The following HIVEP1 variants were observed in gnomAD, a reference collection of about 807,000 sequenced individuals.
HIVEP1 encodes zinc finger protein 40.
In HIVEP1, 36 loss-of-function variants were observed where a neutral mutation model predicts 180.0. The observed-to-expected ratio is 0.20, with a 90% CI of 0.15 to 0.26. The LOEUF (loss-of-function observed/expected upper bound fraction) is 0.26, where lower values mean the gene tolerates loss of function less well. Among genes scored for constraint, HIVEP1 ranks in the 10% least tolerant of loss-of-function variants. The probability of loss-of-function intolerance (pLI) is 1.00; values close to 1 mark genes in which losing one functional copy is unlikely to be tolerated. For missense variants in HIVEP1, 3,143 were observed against 3,268.7 expected, an observed-to-expected ratio of 0.96 and a Z score of 0.94; for synonymous variants, 1,239 against 1,239.0, an observed-to-expected ratio of 1.00 and a Z score of 0.00.
chr6:12,090,352 A>T (rs1773388533), intron 3 of HIVEP1, among the ~76,000 whole-genome samples: 1 of 152,144 alleles, frequency 6.6e-6, no homozygotes, highest in Non-Finnish European at 1.5e-5. Context: ...TTTACAAAAA[A>T]TAGCTTTTAA....
intron 2 of HIVEP1, 74 bp from the exon 3 acceptor site, chr6:12,089,107 AAGT>A (rs1773292042): frequency 1.9e-5 from 14 of 752,366 alleles, no homozygotes; most frequent in Non-Finnish European, 2.7e-5. Context: ...CACTGTTTAA[AAGT>A]AGTATGTTTG....
chr6:12,140,610 C>A (rs933672349), intron 7 of HIVEP1, among the ~76,000 whole-genome samples: 1 of 152,158 alleles, frequency 6.6e-6, no homozygotes, highest in Non-Finnish European at 1.5e-5. Context: ...TGCAAGGAAG[C>A]TAAAAACCTT....
At chr6:12,016,630 T>C (rs562167607) in intron 2 of HIVEP1, among the ~76,000 whole-genome samples, 34 of 152,382 alleles carry the variant, frequency 2.2e-4, no homozygotes, top group African/African-American at 8.2e-4. Context: ...GCTTGTTTCC[T>C]GTCTAGAAAT....
At chr6:12,067,584 G>A (rs1459187354) in intron 2 of HIVEP1, among the ~76,000 whole-genome samples, 2 of 152,136 alleles carry the variant, frequency 1.3e-5, no homozygotes, top group African/African-American at 2.4e-5. Context: ...GCGTAGAATG[G>A]TTTGGATTTA....
the HIVEP1 span, among the ~76,000 whole-genome samples, chr6:12,195,011 G>T: frequency 4.6e-5 from 7 of 152,286 alleles, no homozygotes; most frequent in African/African-American, 1.4e-4. Flanking sequence ...CCTCTATAAA[G>T]AGGAATGATC....
intron 7 of HIVEP1, among the ~76,000 whole-genome samples, chr6:12,154,058 G>A (rs1165132135): frequency 1.3e-5 from 2 of 152,216 alleles, no homozygotes; most frequent in Non-Finnish European, 2.9e-5. Flanking sequence ...TGAGGCAAGA[G>A]AATCAGTTGA....
chr6:12,145,862 A>C (rs926244438), intron 7 of HIVEP1, among the ~76,000 whole-genome samples: 1 of 152,186 alleles, frequency 6.6e-6, no homozygotes, highest in Non-Finnish European at 1.5e-5. Context: ...CCTGGCAAAT[A>C]GTAGGTAATA....
intron 2 of HIVEP1, among the ~76,000 whole-genome samples, chr6:12,035,262 G>A (rs1017269130): frequency 3.3e-5 from 5 of 152,180 alleles, no homozygotes; most frequent in Non-Finnish European, 7.3e-5. Context: ...AGTGTATCCT[G>A]ATTTGTCTGA....
intron 2 of HIVEP1, among the ~76,000 whole-genome samples, chr6:12,044,028 C>T (rs552600127): frequency 5.3e-5 from 8 of 152,122 alleles, no homozygotes; most frequent in African/African-American, 1.2e-4. Context: ...TCTGGGCTCT[C>T]TTTTTAAATA....
In HIVEP1 at chr6:12,152,100, G is replaced by C. The variant is rs185719585; in HGVS notation, c.6488-9339G>C. On this transcript the variant is annotated intron_variant, in intron 7 of 8. Coordinates refer to ENST00000379388, the MANE Select transcript of HIVEP1 (RefSeq NM_002114.4). ...GAACCTGGGAGGCAGAGGTTGCAGT[G>C]AGCCAGGATTATGCCACTGCACTCC... Among the ~76,000 whole-genome samples the C allele has an allele frequency of 9.2e-5, 14 of 152,230 alleles. No individual in the cohort carries two copies. The East Asian group carries it at 2.7e-3, about 29-fold the overall frequency.
chr6:12,209,660 A>C, the HIVEP1 span, among the ~76,000 whole-genome samples: 1 of 152,184 alleles, frequency 6.6e-6, no homozygotes, highest in African/African-American at 2.4e-5. Flanking sequence ...TAATCATCAT[A>C]ATACTTAATG....
intron 7 of HIVEP1, among the ~76,000 whole-genome samples, chr6:12,143,380 G>A (rs1014756177): frequency 3.3e-5 from 5 of 152,116 alleles, no homozygotes; most frequent in Admixed American, 6.5e-5. Flanking sequence ...TTGATGGAAC[G>A]TATCTCAAAA....
At chr6:12,055,074 A>G (rs571517737) in intron 2 of HIVEP1, among the ~76,000 whole-genome samples, 36 of 152,364 alleles carry the variant, frequency 2.4e-4, no homozygotes, top group African/African-American at 7.7e-4. Flanking sequence ...ATACTAAGTA[A>G]TTAATACATT....
At chr6:12,165,025 A>C (rs1404840507), downstream of HIVEP1, 2 of 434,164 alleles carry the variant, frequency 4.6e-6, no homozygotes, top group African/African-American at 4.2e-5. Flanking sequence ...TGCCTTCTTT[A>C]TATCATCCAG....
downstream of HIVEP1, among the ~76,000 whole-genome samples, chr6:12,168,012 G>A (rs10947814): frequency 0.15 from 2,579 of 17,352 alleles, 292 homozygotes; most frequent in East Asian, 0.19. Context: ...ATATATACAT[G>A]TACATGTATA....
intron 7 of HIVEP1, among the ~76,000 whole-genome samples, chr6:12,155,518 T>C (rs534109994): frequency 1.3e-5 from 2 of 152,264 alleles, no homozygotes; most frequent in East Asian, 3.9e-4. Flanking sequence ...TATTTGGTTT[T>C]CTCTTCCTGC....
intron 3 of HIVEP1, among the ~76,000 whole-genome samples, chr6:12,108,266 C>G (rs1333154261): frequency 2.6e-5 from 4 of 152,234 alleles, no homozygotes; most frequent in African/African-American, 9.6e-5. Context: ...TTTACAATCC[C>G]TGAGCTAGAC....
downstream of HIVEP1, among the ~76,000 whole-genome samples, chr6:12,168,323 T>TATACATATATACATATATTATATACATAC: frequency 7.2e-6 from 1 of 138,252 alleles, no homozygotes; most frequent in East Asian, 2.0e-4. Context: ...TATATACATA[T>TATACATATATACATATATTATATACATAC]ATATTATATA....
intron 5 of HIVEP1, 24 bp from the exon 6 acceptor site, chr6:12,130,743 A>G (rs1322691616): frequency 7.1e-7 from 1 of 1,402,876 alleles, no homozygotes; most frequent in South Asian, 1.3e-5. Context: ...CAATCTCCCT[A>G]TTCATTTTTT....
Sources: allele counts gnomAD v4.1 joint callset (sites outside exome capture counted in the v4.1 genomes callset), GRCh38; gene constraint gnomAD v4.1.1; transcripts MANE v1.5; gene names NCBI Gene and HGNC (gene_info 2026-07-23, HGNC 2026-07-21).